Variants in RBFOX1 observed in about 807,000 individuals in gnomAD.
RBFOX1 encodes the protein RNA binding fox-1 homolog 1, also known as RNA binding protein fox-1 homolog 1.
RBFOX1 carries 8 observed loss-of-function variants against 57.7 expected under a neutral mutation model. That is an observed-to-expected ratio of 0.14 (90% confidence interval 0.08 to 0.25). The LOEUF (loss-of-function observed/expected upper bound fraction) is 0.25. Among genes scored for constraint, RBFOX1 ranks in the 10% least tolerant of loss-of-function variants. RBFOX1 has a pLI of 1.00. For missense variants in RBFOX1, 611 were observed against 548.5 expected (o/e 1.11, Z -1.14); for synonymous variants, 326 against 222.4 (o/e 1.47, Z -4.15).
chr16:7,577,553 T>C (rs540564203), intron 5 of RBFOX1, among the ~76,000 whole-genome samples: 1 of 152,374 alleles, frequency 6.6e-6, no homozygotes, highest in South Asian at 2.1e-4. Flanking sequence ...AGCAGTGTCA[T>C]ATGACCTTGA....
intron 3 of RBFOX1, among the ~76,000 whole-genome samples, chr16:7,034,167 A>G (rs1159615270): frequency 1.3e-5 from 2 of 152,136 alleles, no homozygotes; most frequent in Admixed American, 6.5e-5. Flanking sequence ...CTGGATTCAA[A>G]TAGCCTGGGT....
chr16:5,380,828 T>C (rs549965621), intron 1 of RBFOX1, among the ~76,000 whole-genome samples: 3 of 152,370 alleles, frequency 2.0e-5, no homozygotes, highest in East Asian at 3.9e-4. Flanking sequence ...TATGCACTTA[T>C]ATATAACTTG....
intron 1 of RBFOX1, among the ~76,000 whole-genome samples, chr16:5,257,180 A>G (rs1283604912): frequency 3.0e-5 from 2 of 67,674 alleles, no homozygotes; most frequent in East Asian, 7.1e-4. Flanking sequence ...AGAAAACTCA[A>G]AAAAAAACAG....
intron 3 of RBFOX1, among the ~76,000 whole-genome samples, chr16:7,036,678 G>A (rs796469618): frequency 4.7e-5 from 7 of 150,114 alleles, no homozygotes; most frequent in African/African-American, 1.5e-4. Context: ...CGTCGAAAGA[G>A]CAAAACTCCG....
At chr16:6,415,598 G>A (rs1213112814) in intron 2 of RBFOX1, among the ~76,000 whole-genome samples, 1 of 152,168 alleles carries the variant, frequency 6.6e-6, no homozygotes, top group African/African-American at 2.4e-5. Flanking sequence ...CTACTGTGGA[G>A]GCTGAGACAG....
At chr16:6,915,713 A>AG in intron 3 of RBFOX1, among the ~76,000 whole-genome samples, 3 of 151,730 alleles carry the variant, frequency 2.0e-5, no homozygotes, top group African/African-American at 7.3e-5. Flanking sequence ...ACCATGCCTG[A>AG]CTAAATTTTT....
intron 1 of RBFOX1, among the ~76,000 whole-genome samples, chr16:6,134,683 A>AGTTTTTTTTTT: frequency 7.0e-6 from 1 of 143,532 alleles, no homozygotes; most frequent in African/African-American, 2.6e-5. Context: ...AACTCAGAGT[A>AGTTTTTTTTTT]TTTTTTTTTT....
At chr16:5,452,710 C>T (rs570091921) in intron 1 of RBFOX1, among the ~76,000 whole-genome samples, 1 of 151,728 alleles carries the variant, frequency 6.6e-6, no homozygotes, top group South Asian at 2.1e-4. Context: ...ATGGCGTGGT[C>T]CTGGCTCACT....
chr16:6,322,158 C>T (rs2081883124), intron 2 of RBFOX1, among the ~76,000 whole-genome samples: 1 of 152,164 alleles, frequency 6.6e-6, no homozygotes, highest in South Asian at 2.1e-4. Context: ...TGGCATATTG[C>T]TCCAGGGACT....
At chr16:7,046,478 A>C (rs1158636777) in intron 3 of RBFOX1, among the ~76,000 whole-genome samples, 1 of 152,156 alleles carries the variant, frequency 6.6e-6, no homozygotes, top group Admixed American at 6.6e-5. Context: ...CATACATTAA[A>C]ATATCAAGTT....
chr16:6,929,099 T>C (rs571187962), intron 3 of RBFOX1, among the ~76,000 whole-genome samples: 1 of 152,160 alleles, frequency 6.6e-6, no homozygotes, highest in African/African-American at 2.4e-5. Context: ...TAGTGTTTAA[T>C]TCACAGGCCC....
intron 7 of RBFOX1, among the ~76,000 whole-genome samples, chr16:7,587,727 G>C (rs780027991): frequency 6.6e-6 from 1 of 152,146 alleles, no homozygotes; most frequent in Non-Finnish European, 1.5e-5. Context: ...CCAACCTTTT[G>C]AATGTAATTT....
chr16:7,170,447 C>CT (rs113019544), intron 4 of RBFOX1, among the ~76,000 whole-genome samples: 1,624 of 150,052 alleles, frequency 0.011, 12 homozygotes, highest in Non-Finnish European at 0.019. Flanking sequence ...AATTAAAATT[C>CT]TTTTTTTTTT....
At chr16:7,346,794 T>C (rs1042351886) in intron 4 of RBFOX1, among the ~76,000 whole-genome samples, 1 of 152,286 alleles carries the variant, frequency 6.6e-6, no homozygotes, top group African/African-American at 2.4e-5. Context: ...TGTGGGTTGA[T>C]GATCTCCACC....
At chr16:5,452,692 G>A (rs2068464407) in intron 1 of RBFOX1, among the ~76,000 whole-genome samples, 1 of 151,500 alleles carries the variant, frequency 6.6e-6, no homozygotes, top group Non-Finnish European at 1.5e-5. Context: ...CACCCAGGCT[G>A]GAGTGCAATG....
intron 2 of RBFOX1, among the ~76,000 whole-genome samples, chr16:5,503,920 G>A (rs747789197): frequency 1.3e-5 from 2 of 152,198 alleles, no homozygotes; most frequent in Admixed American, 6.5e-5. Context: ...AGATTTGCCT[G>A]TTGTGGCCAT....
At chr16:6,651,702 C>A (rs62017868) in intron 2 of RBFOX1, among the ~76,000 whole-genome samples, 60,639 of 152,018 alleles carry the variant, frequency 0.4, 13,185 homozygotes, top group South Asian at 0.53. Context: ...AATCTCACTT[C>A]TGGGCATACG....
intron 4 of RBFOX1, among the ~76,000 whole-genome samples, chr16:7,344,609 C>A (rs1355126783): frequency 6.6e-6 from 1 of 151,790 alleles, no homozygotes; most frequent in African/African-American, 2.4e-5. Context: ...TATTTCTACT[C>A]TTGCTACTAT....
chr16:7,090,049 G>C (rs2060572898), intron 4 of RBFOX1, among the ~76,000 whole-genome samples: 1 of 152,040 alleles, frequency 6.6e-6, no homozygotes, highest in South Asian at 2.1e-4. Flanking sequence ...CTTTTTTAAT[G>C]CAGAGGTTCT....
Sources: gnomAD v4.1 joint callset for allele counts (sites outside exome capture counted in the v4.1 genomes callset) on GRCh38, gnomAD v4.1.1 for gene constraint, MANE v1.5 for transcripts, NCBI Gene and HGNC (gene_info 2026-07-23, HGNC 2026-07-21) for gene names.